FAM83C: variants seen among roughly 807,000 people sequenced by gnomAD.
FAM83C encodes the protein protein FAM83C.
FAM83C carries 23 observed loss-of-function variants against 27.1 expected under a neutral mutation model. The ratio of observed to expected loss-of-function variants is 0.85; its 90% CI spans 0.61 to 1.20. The LOEUF (loss-of-function observed/expected upper bound fraction) is 1.20. Ranked by LOEUF, FAM83C falls within the 50% of genes most tolerant of loss-of-function variation. The pLI is 0.00. For synonymous variants in FAM83C, 426 were observed against 423.1 expected (o/e 1.01, Z -0.09); for missense variants, 984 against 1,001.3 (o/e 0.98, Z 0.23).
rs773917579 is a variant in FAM83C, at chr20:35,287,428, G to A, written c.1351C>T (p.Pro451Ser). The change falls in exon 4 of 4, where the codon CCC becomes TCC. Residue 451 changes from proline to serine, a missense_variant. By Grantham distance (74) the Pro-to-Ser change is moderately conservative. Coordinates refer to ENST00000374408, the MANE Select transcript of FAM83C (RefSeq NM_178468.6). Reference protein sequence around the residue: ...VGSPLLPRSRPLLQFHRGAPA... With the variant: ...VGSPLLPRSRSLLQFHRGAPA... ...GCACCCCGATGGAACTGGAGGAGGG[G>A]CCGGGAGCGAGGAAGCAGAGGTGAC... The A allele has an allele frequency of 2.5e-6, 4 of 1,614,034 alleles. No homozygotes were observed. Among genetic ancestry groups the A allele is most frequent in the Non-Finnish European group, 3.4e-6 (4 of 1,180,030 alleles).
chr20:35,288,775 C>G lies in FAM83C; in HGVS notation c.681+16G>C. On this transcript the variant is annotated intron_variant, in intron 2 of 3. Coordinates refer to ENST00000374408, the MANE Select transcript of FAM83C (RefSeq NM_178468.6). ...CCCGCCCACACCCCTGGTTACTGCC[C>G]CTGGTCCTCACTGACCGGCAGGTGC... 11 of 1,599,524 alleles carry G rather than the reference C, an allele frequency of 6.9e-6. No individual in the cohort carries two copies. Among genetic ancestry groups the G allele is most frequent in the Non-Finnish European group, 8.5e-6 (10 of 1,171,012 alleles).
rs376886545 is a variant in FAM83C at position 35,288,966 on chromosome 20, G to C, written c.514-8C>G. On this transcript the variant is annotated splice_polypyrimidine_tract_variant and splice_region_variant and intron_variant, in intron 1 of 3. Coordinates refer to ENST00000374408, the MANE Select transcript of FAM83C (RefSeq NM_178468.6). ...CATCACCACAGCCACCACCTGGGTGGGGGGAGGCACACGAAAGCTCAGCGC... is the reference window on the plus strand; with the variant it reads ...CATCACCACAGCCACCACCTGGGTGCGGGGAGGCACACGAAAGCTCAGCGC... 94 of 1,611,952 alleles carry C rather than the reference G, an allele frequency of 5.8e-5. No homozygotes were observed. Among genetic ancestry groups the C allele is most frequent in the Non-Finnish European group, 7.8e-5 (92 of 1,178,982 alleles).
chr20:35,292,377 G>A lies in FAM83C; in HGVS notation c.-73C>T, dbSNP rs995145170. The A allele has an allele frequency of 1.4e-6, 2 of 1,432,566 alleles. No homozygotes were observed. Among genetic ancestry groups the A allele is most frequent in the African/African-American group, 1.5e-5 (1 of 68,818 alleles). 88.7% of individuals were successfully genotyped at this position (1,432,566 alleles called of 1,614,324 possible). A position where few individuals can be genotyped will look rare whatever the true frequency, so the allele number is the denominator to read the frequency against. ...CGCTGGGCTGGCTGCAGCAGGAAGAGGAGACCAGCAGAACCGCCTTCTGCC... is the reference window on the plus strand; with the variant it reads ...CGCTGGGCTGGCTGCAGCAGGAAGAAGAGACCAGCAGAACCGCCTTCTGCC... On this transcript the variant is annotated 5_prime_UTR_variant, in exon 1 of 4. Transcript: ENST00000374408.
chr20:35,287,774 G>A lies in FAM83C; in HGVS notation c.1005C>T (p.Val335=), dbSNP rs1353767895. Residue 335 remains valine, a synonymous_variant, in exon 4 of 4, where the codon GTC becomes GTT. Coordinates refer to ENST00000374408, the MANE Select transcript of FAM83C (RefSeq NM_178468.6). ...PPVALAFRPD[V]PSPTSSLPSS... ...AGGGCAGGGACGACGTGGGGCTTGG[G>A]ACATCAGGCCTGAAGGCTAGGGCCA... 7 of 1,611,506 alleles carry A rather than the reference G, an allele frequency of 4.3e-6. No homozygotes were observed. The highest frequency in any genetic ancestry group is 5.1e-6 in the Non-Finnish European group (6 of 1,178,824).
At position 35,292,417 on chromosome 20, in the gene FAM83C, G is replaced by A; in HGVS notation, c.-113C>T. The A allele has an allele frequency of 1.4e-6, 2 of 1,385,730 alleles. No individual in the cohort carries two copies. The highest frequency in any genetic ancestry group is 1.9e-6 in the Non-Finnish European group (2 of 1,059,882). 85.8% of individuals were successfully genotyped at this position (1,385,730 alleles called of 1,614,324 possible). A position where few individuals can be genotyped will look rare whatever the true frequency, so the allele number is the denominator to read the frequency against. ...CGCCTTCTGCCCGCCCGCTCGCTGT[G>A]TGTGTGGCAGGGCCCCCAAACTGTT... On this transcript the variant is annotated 5_prime_UTR_variant, in exon 1 of 4. Transcript: ENST00000374408.
In FAM83C at chr20:35,291,786, C is replaced by A. The variant is rs2060847465; in HGVS notation, c.513+6G>T. On this transcript the variant is annotated splice_donor_region_variant and intron_variant, in intron 1 of 3. Coordinates refer to ENST00000374408, the MANE Select transcript of FAM83C (RefSeq NM_178468.6). ...GAGATGAGTGATGGAGAGATGAGGC[C>A]CTTACCGTGTGGGCCTGGCTGAAAA... The A allele has an allele frequency of 1.2e-6, 2 of 1,613,760 alleles. No homozygotes were observed. The highest frequency in any genetic ancestry group is 3.3e-5 in the Admixed American group (2 of 60,002).
rs1311439693 is a variant in FAM83C, at chr20:35,287,299, C to CCTT, written c.1479_1480insAAG (p.Glu493_Glu494insLys). 6.2e-7 allele frequency: 1 copy of CCTT among 1,613,564 alleles called. No homozygotes were observed. The highest frequency in any genetic ancestry group is 8.5e-7 in the Non-Finnish European group (1 of 1,180,042). On this transcript the variant is annotated inframe_insertion, in exon 4 of 4. Coordinates refer to ENST00000374408, the MANE Select transcript of FAM83C (RefSeq NM_178468.6). ...CTTGGAGATGCCTTCTTCTCCTTCT[C>CCTT]CTCCACTGTCTCCAGGGTTGTGCCA... is the stretch of plus-strand genomic sequence containing the variant.
rs1279604027 is a variant in FAM83C, at chr20:35,286,228, GA to G, written c.*306del. 1 of 351,656 alleles carries G rather than the reference GA, an allele frequency of 2.8e-6. No homozygotes were observed. Among genetic ancestry groups the G allele is most frequent in the Non-Finnish European group, 5.2e-6 (1 of 191,738 alleles). The allele number at this position is 351,656 out of a possible 1,614,324, so 21.8% of individuals were successfully genotyped here. On this transcript the variant is annotated 3_prime_UTR_variant, in exon 4 of 4. Coordinates refer to ENST00000374408, the MANE Select transcript of FAM83C (RefSeq NM_178468.6). ...TTAACCTTTAACTTGATATGGCTCT[GA>G]CCCCTTCTCCAGCAGCTTGTGCATT... is the stretch of plus-strand genomic sequence containing the variant.
chr20:35,287,886 C>A lies in FAM83C; in HGVS notation c.893G>T (p.Arg298Leu). Reference sequence around the variant, plus strand: ...AGGCTGCGACTCAGCGTACAGACAGCGGAACTCCCGGTCAAAGTCTTCCAC... The same window carrying A: ...AGGCTGCGACTCAGCGTACAGACAGAGGAACTCCCGGTCAAAGTCTTCCAC... ...RIVEDFDREFRCLYAESQPVE... is the reference protein window; with the variant it reads ...RIVEDFDREFLCLYAESQPVE... Residue 298 changes from arginine to leucine, a missense_variant, in exon 4 of 4, where the codon CGC (arginine) becomes CTC (leucine). Transcript: ENST00000374408. The A allele has an allele frequency of 1.9e-6, 3 of 1,558,726 alleles. No homozygotes were observed. The highest frequency in any genetic ancestry group is 2.4e-5 in the South Asian group (2 of 84,858).
At position 35,285,854 on chromosome 20, in the gene FAM83C, TGAC is replaced by T. The variant is rs910862316; in HGVS notation, c.*678_*680del. Reference sequence around the variant, plus strand: ...CTTCAAGAGACACTCAGCAAGATGATGACGACGACAATGATGATGATGATGATG... The same window carrying T: ...CTTCAAGAGACACTCAGCAAGATGATGACGACAATGATGATGATGATGATG... On this transcript the variant is annotated 3_prime_UTR_variant, in exon 4 of 4. Transcript: ENST00000374408. 5 of 156,372 alleles carry T rather than the reference TGAC, an allele frequency of 3.2e-5. No individual in the cohort carries two copies. The highest frequency in any genetic ancestry group is 6.5e-5 in the Admixed American group (1 of 15,416). The allele number at this position is 156,372 out of a possible 1,614,324, so 9.7% of individuals were successfully genotyped here.
chr20:35,286,608 T>G lies in FAM83C; in HGVS notation c.2171A>C (p.His724Pro). 1 of 1,614,166 alleles carries G rather than the reference T, an allele frequency of 6.2e-7. No homozygotes were observed. The highest frequency in any genetic ancestry group is 1.3e-5 in the African/African-American group (1 of 75,038). ...CTTAGTGATGAGGTCCAGTTTGCTG[T>G]GACCCAGGGTCAGCCGTTTCTCATC... ...VRDEKRLTLG[H>P]SKLDLITKYN... is the part of the protein sequence containing the mutation. The change falls in exon 4 of 4, where the codon CAC (histidine) becomes CCC (proline). Residue 724 changes from histidine (H) to proline (P), a missense_variant. His to Pro is a moderately conservative substitution (Grantham distance 77). Coordinates refer to ENST00000374408, the MANE Select transcript of FAM83C (RefSeq NM_178468.6).
chr20:35,288,681 C>T, intron 2 of FAM83C, 96 bp from the exon 3 acceptor site: 1 of 1,559,662 alleles, frequency 6.4e-7, no homozygotes, highest in South Asian at 1.2e-5. Flanking sequence ...CTAAGGGAAC[C>T]CACCCCCCAC....
rs763781614 is a variant in FAM83C, at chr20:35,287,002, G to GGCCAC, written c.1772_1776dup (p.Gln593ValfsTer7). ...GGGTACTGCATCAGGAGGTCTGATT[G>GGCCAC]GCCACGGCTTTGGTTTAGGGACAGC... On this transcript the variant is annotated frameshift_variant, in exon 4 of 4. Coordinates refer to ENST00000374408, the MANE Select transcript of FAM83C (RefSeq NM_178468.6). LOFTEE classifies it high-confidence loss of function. 119 of 1,610,036 alleles carry GGCCAC rather than the reference G, an allele frequency of 7.4e-5. No homozygotes were observed. The African/African-American group carries it at 1.4e-3, about 19-fold the overall frequency.
chr20:35,292,331 C>G lies in FAM83C; in HGVS notation c.-27G>C. The G allele has an allele frequency of 6.8e-7, 1 of 1,460,838 alleles. No individual in the cohort carries two copies. The highest frequency in any genetic ancestry group is 1.4e-5 in the South Asian group (1 of 71,534). 90.5% of individuals were successfully genotyped at this position (1,460,838 alleles called of 1,614,324 possible). A position where few individuals can be genotyped will look rare whatever the true frequency, so the allele number is the denominator to read the frequency against. On this transcript the variant is annotated 5_prime_UTR_variant, in exon 1 of 4. Transcript: ENST00000374408. Reference sequence around the variant, plus strand: ...CCTGCCACGCGGCTGCCTCACCCGCCGGCAGGGCCCATGGCCCGCACGCTG... The same window carrying G: ...CCTGCCACGCGGCTGCCTCACCCGCGGGCAGGGCCCATGGCCCGCACGCTG...
chr20:35,290,320 C>G (rs1011064302), intron 1 of FAM83C, among the ~76,000 whole-genome samples: 13 of 152,228 alleles, frequency 8.5e-5, no homozygotes, highest in Admixed American at 3.3e-4. Flanking sequence ...CTATGAGAGT[C>G]TTCTCTCCCA....
In FAM83C at chr20:35,292,075, T is replaced by A; in HGVS notation, c.230A>T (p.Asp77Val). The A allele has an allele frequency of 6.2e-7, 1 of 1,610,168 alleles. No individual in the cohort carries two copies. The highest frequency in any genetic ancestry group is 2.2e-5 in the East Asian group (1 of 44,860). ...CACATGGCTGGTCATGTAGTCCACA[T>A]CCAGGGCGCTCAGGAAGGGCAGCTC... ...ERELPFLSAL[D>V]VDYMTSHVRG... Residue 77 changes from aspartate to valine, a missense_variant, in exon 1 of 4, where the codon GAT becomes GTT. Coordinates refer to ENST00000374408, the MANE Select transcript of FAM83C (RefSeq NM_178468.6).
rs560435175 is a variant in FAM83C at position 35,291,552 on chromosome 20, T to A, written c.513+240A>T. Among the ~76,000 whole-genome samples the A allele has an allele frequency of 2.0e-5, 3 of 152,324 alleles. No homozygotes were observed. In the East Asian group the frequency reaches 5.8e-4, roughly 29 times the overall value. On this transcript the variant is annotated intron_variant, in intron 1 of 3. Coordinates refer to ENST00000374408, the MANE Select transcript of FAM83C (RefSeq NM_178468.6). The stretch of plus-strand genomic sequence containing the variant: ...CCACTTCGTGTGCATTTCAGGGGAT[T>A]GTGGAGTCCCTGACACCCATGCCCT...
rs2060823568 is a variant in FAM83C at position 35,286,332 on chromosome 20, G to C, written c.*203C>G. On this transcript the variant is annotated 3_prime_UTR_variant, in exon 4 of 4. Coordinates refer to ENST00000374408, the MANE Select transcript of FAM83C (RefSeq NM_178468.6). The stretch of plus-strand genomic sequence containing the variant: ...AGCACAGGGCTGGAAACACAGCCTA[G>C]ATTCAAGAAGATACTAGTTAGGGTG... 1.5e-5 allele frequency: 9 copies of C among 580,970 alleles called. 1 individual carries two copies. The South Asian group carries it at 2.0e-4, about 13-fold the overall frequency. The allele number at this position is 580,970 out of a possible 1,614,324, so 36.0% of individuals were successfully genotyped here.
chr20:35,291,180 C>T (rs1370075119), intron 1 of FAM83C, among the ~76,000 whole-genome samples: 1 of 152,236 alleles, frequency 6.6e-6, no homozygotes, highest in Non-Finnish European at 1.5e-5. Flanking sequence ...ACACGCTGGC[C>T]CCTTCCCCTG....
Sources: allele counts gnomAD v4.1 joint callset (sites outside exome capture counted in the v4.1 genomes callset), GRCh38; gene constraint gnomAD v4.1.1; transcripts MANE v1.5; gene names NCBI Gene and HGNC (gene_info 2026-07-23, HGNC 2026-07-21).